The following KCMF1 variants were observed in gnomAD, a reference collection of about 807,000 sequenced individuals.
KCMF1 encodes the protein E3 ubiquitin-protein ligase KCMF1.
KCMF1 carries 3 observed loss-of-function variants against 41.1 expected under a neutral mutation model. The ratio of observed to expected loss-of-function variants is 0.07; its 90% CI spans 0.03 to 0.19. The LOEUF (loss-of-function observed/expected upper bound fraction) is 0.19. KCMF1 is among the 10% of genes least tolerant of loss of function. KCMF1 has a pLI of 1.00. For missense variants in KCMF1, 286 were observed against 488.9 expected (o/e 0.58, Z 3.91); for synonymous variants, 142 against 164.5 (o/e 0.86, Z 1.04).
chr2:85,007,251 A>G (rs772407530), intron 1 of KCMF1, among the ~76,000 whole-genome samples: 5 of 152,114 alleles, frequency 3.3e-5, no homozygotes, highest in Non-Finnish European at 4.4e-5. Flanking sequence ...TTGTTTAGTT[A>G]TGAAACATGG....
At chr2:84,979,554 A>C (rs1349749174) in intron 1 of KCMF1, among the ~76,000 whole-genome samples, 1 of 151,774 alleles carries the variant, frequency 6.6e-6, no homozygotes. Context: ...TTATAAATAT[A>C]GCTGTGGGGC....
chr2:85,033,078 T>C (rs1176365103), intron 2 of KCMF1, among the ~76,000 whole-genome samples: 2 of 152,204 alleles, frequency 1.3e-5, no homozygotes, highest in Non-Finnish European at 2.9e-5. Flanking sequence ...GAGGAAGTTC[T>C]ATTCTTTTTA....
At chr2:85,026,957 T>C (rs927972221) in intron 1 of KCMF1, among the ~76,000 whole-genome samples, 1 of 152,228 alleles carries the variant, frequency 6.6e-6, no homozygotes, top group African/African-American at 2.4e-5. Flanking sequence ...GCCAGATGCT[T>C]GGTATCAATT....
At chr2:85,038,343 C>T (rs185170628) in intron 3 of KCMF1, among the ~76,000 whole-genome samples, 10 of 152,240 alleles carry the variant, frequency 6.6e-5, no homozygotes, top group Admixed American at 2.0e-4. Flanking sequence ...TTTATATTGG[C>T]AAAATGGATG....
rs1226025807 is a variant in KCMF1, at chr2:85,057,302, AAAAC to A, written c.*3895_*3898del. ...TCTTTCTAAAGCTCAACTAGACACT[AAAAC>A]AGTTCTCTCCTTGAGACCGGAAGTG... On this transcript the variant is annotated 3_prime_UTR_variant, in exon 7 of 7. Coordinates refer to ENST00000409785, the MANE Select transcript of KCMF1 (RefSeq NM_020122.5). The A allele has an allele frequency of 6.6e-6, 1 of 152,186 alleles. No homozygotes were observed. The highest frequency in any genetic ancestry group is 1.5e-5 in the Non-Finnish European group (1 of 68,034). 9.4% of individuals were successfully genotyped at this position (152,186 alleles called of 1,614,324 possible).
chr2:85,021,619 C>CA (rs528912139), intron 1 of KCMF1, among the ~76,000 whole-genome samples: 12,183 of 138,778 alleles, frequency 0.088, 761 homozygotes, highest in East Asian at 0.35. Flanking sequence ...GAGACTGTCA[C>CA]AAAAAAAAAA....
Position 85,042,914 on chromosome 2 carries a change from A to G in KCMF1, c.325-650A>G, listed in dbSNP as rs978293141. On this transcript the variant is annotated intron_variant, in intron 3 of 6. Coordinates refer to ENST00000409785, the MANE Select transcript of KCMF1 (RefSeq NM_020122.5). The stretch of plus-strand genomic sequence containing the variant: ...TCTCCCATCTCTTGCCAAGAGGCCC[A>G]TGGAAAGTTGTTCTACTACTCCTTG... Among the ~76,000 whole-genome samples the G allele has an allele frequency of 3.9e-5, 6 of 152,160 alleles. 1 individual carries two copies. Among genetic ancestry groups the G allele is most frequent in the Non-Finnish European group, 7.3e-5 (5 of 68,032 alleles).
In KCMF1 at chr2:85,027,999, A is replaced by G. The variant is rs1675155205; in HGVS notation, c.127A>G (p.Thr43Ala). ...CASCYESGATTTRHTTDHPMQ... is the reference protein window; with the variant it reads ...CASCYESGATATRHTTDHPMQ... ...ATCTTGTTATGAAAGTGGTGCAACA[A>G]CAACAAGGCATACAACTGACCACCC... The change falls in exon 2 of 7, where the codon ACA (threonine) becomes GCA (alanine). Residue 43 changes from threonine (T) to alanine (A), a missense_variant. Around this residue, in one of 2 missense-constraint regions of KCMF1, gnomAD observed 95 missense variants for 209.6 expected, o/e 0.45. Transcript: ENST00000409785. The G allele has an allele frequency of 1.9e-6, 3 of 1,612,864 alleles. No individual in the cohort carries two copies. Among genetic ancestry groups the G allele is most frequent in the Non-Finnish European group, 2.5e-6 (3 of 1,179,094 alleles).
At chr2:85,024,871 A>G (rs200481564) in intron 1 of KCMF1, among the ~76,000 whole-genome samples, 1 of 152,088 alleles carries the variant, frequency 6.6e-6, no homozygotes, top group East Asian at 1.9e-4. Flanking sequence ...TTGCTGTTGT[A>G]AAACAGATTT....
At position 85,021,150 on chromosome 2, in the gene KCMF1, C is replaced by T. The variant is rs998925590; in HGVS notation, c.17-6739C>T. Among the ~76,000 whole-genome samples, 8 of 152,180 alleles carry T rather than the reference C, an allele frequency of 5.3e-5. No individual in the cohort carries two copies. In the East Asian group the frequency reaches 1.3e-3, roughly 26 times the overall value. On this transcript the variant is annotated intron_variant, in intron 1 of 6. Coordinates refer to ENST00000409785, the MANE Select transcript of KCMF1 (RefSeq NM_020122.5). ...TAAAACATATTACATATTAGATAATCGATATTTGTTGAATTTGCTGAAAAA... is the reference window on the plus strand; with the variant it reads ...TAAAACATATTACATATTAGATAATTGATATTTGTTGAATTTGCTGAAAAA...
rs1005889489 is a variant in KCMF1 at position 85,053,443 on chromosome 2, C to A, written c.*34C>A. The A allele has an allele frequency of 2.5e-6, 4 of 1,568,862 alleles. No homozygotes were observed. The African/African-American group carries it at 5.5e-5, about 21-fold the overall frequency. ...CAATTCGCAGACAATGTCCTCTGTG[C>A]TGTATTTGCCAATGAAAGTGGACAA... On this transcript the variant is annotated 3_prime_UTR_variant, in exon 7 of 7. Transcript: ENST00000409785.
intron 1 of KCMF1, among the ~76,000 whole-genome samples, chr2:84,974,043 G>A (rs754814148): frequency 1.3e-5 from 2 of 151,872 alleles, no homozygotes; most frequent in Non-Finnish European, 2.9e-5. Flanking sequence ...GGTCAGGCTG[G>A]TCTTGAACTC....
intron 6 of KCMF1, among the ~76,000 whole-genome samples, chr2:85,050,327 TA>T: frequency 6.6e-6 from 1 of 152,334 alleles, no homozygotes; most frequent in South Asian, 2.1e-4. Context: ...TTTGAAATAT[TA>T]AAAGTATAAG....
rs34687477 is a variant in KCMF1 at position 84,982,389 on chromosome 2, C to CTTTTTTTTTTTTTTTTT, written c.16+10939_16+10955dup. 1.1e-3 allele frequency among the ~76,000 whole-genome samples: 51 copies of CTTTTTTTTTTTTTTTTT among 47,262 alleles called. 13 individuals are homozygous for CTTTTTTTTTTTTTTTTT. Among genetic ancestry groups the CTTTTTTTTTTTTTTTTT allele is most frequent in the African/African-American group, 4.2e-3 (47 of 11,236 alleles). 31.0% of individuals were successfully genotyped at this position (47,262 alleles called of 152,430 possible). ...GAGTTACAGATGTGTTCCTTATTTT[C>CTTTTTTTTTTTTTTTTT]TTTTTTTTTTTTTTTTTTTTTTTTT... On this transcript the variant is annotated intron_variant, in intron 1 of 6. Coordinates refer to ENST00000409785, the MANE Select transcript of KCMF1 (RefSeq NM_020122.5).
chr2:85,030,675 A>C (rs550120513), intron 2 of KCMF1, among the ~76,000 whole-genome samples: 1 of 152,184 alleles, frequency 6.6e-6, no homozygotes, highest in African/African-American at 2.4e-5. Context: ...CTCTCAGTCT[A>C]TTCACATTGA....
chr2:85,028,019 C>T lies in KCMF1; in HGVS notation c.147C>T (p.Asp49=). The T allele has an allele frequency of 6.2e-7, 1 of 1,608,350 alleles. No homozygotes were observed. Among genetic ancestry groups the T allele is most frequent in the Non-Finnish European group, 8.5e-7 (1 of 1,177,472 alleles). The change falls in exon 2 of 7, where the codon GAC becomes GAT. Residue 49 remains aspartate, a synonymous_variant. Transcript: ENST00000409785. ...CAACAACAACAAGGCATACAACTGA[C>T]CACCCAATGCAGTGCATATTAACAA... ...SGATTTRHTT[D]HPMQCILTRV...
intron 1 of KCMF1, among the ~76,000 whole-genome samples, chr2:84,999,997 A>AATAG (rs1674287347): frequency 6.6e-6 from 1 of 152,004 alleles, no homozygotes; most frequent in Admixed American, 6.6e-5. Context: ...AAGAAACAGG[A>AATAG]ATAGATGTGT....
intron 1 of KCMF1, among the ~76,000 whole-genome samples, chr2:85,007,118 A>AG (rs1462281986): frequency 2.6e-5 from 4 of 151,764 alleles, no homozygotes; most frequent in Non-Finnish European, 4.4e-5. Context: ...AAAAAAAAAA[A>AG]AAAAGAAATA....
At chr2:84,987,884 A>G (rs184925574) in intron 1 of KCMF1, among the ~76,000 whole-genome samples, 1 of 152,220 alleles carries the variant, frequency 6.6e-6, no homozygotes, top group Admixed American at 6.5e-5. Flanking sequence ...GTATAATAGC[A>G]CTTGTCATGT....
Sources: gnomAD v4.1 joint callset for allele counts (sites outside exome capture counted in the v4.1 genomes callset) on GRCh38, gnomAD v4.1.1 for gene constraint, gnomAD v4.1.1 regional missense constraint, MANE v1.5 for transcripts, NCBI Gene and HGNC (gene_info 2026-07-23, HGNC 2026-07-21) for gene names.